The following NOL4 variants were observed in gnomAD, a reference collection of about 807,000 sequenced individuals.
The protein encoded by NOL4 is nucleolar protein 4, also known as cancer/testis antigen 125.
NOL4 carries 17 observed loss-of-function variants against 75.9 expected under a neutral mutation model. That is an observed-to-expected ratio of 0.22 (90% CI 0.15 to 0.34). The LOEUF is 0.34. Among genes scored for constraint, NOL4 ranks in the 10% least tolerant of loss-of-function variants. The pLI, the probability that NOL4 is intolerant of heterozygous loss-of-function variation, is 1.00. For missense variants in NOL4, 614 were observed against 793.5 expected (o/e 0.77, Z 2.72); for synonymous variants, 292 against 289.9 (o/e 1.01, Z -0.07).
At chr18:34,203,715 TCTCACA>T (rs770797202) in intron 1 of NOL4, among the ~76,000 whole-genome samples, 2,586 of 59,348 alleles carry the variant, frequency 0.044, 43 homozygotes, top group East Asian at 0.17. Context: ...TCTCTCTCTC[TCTCACA>T]CACACACACA....
chr18:33,913,421 T>C (rs1385774694), intron 9 of NOL4, among the ~76,000 whole-genome samples: 1 of 152,142 alleles, frequency 6.6e-6, no homozygotes, highest in Non-Finnish European at 1.5e-5. Context: ...GTCATTCCAT[T>C]AGATGTGAAC....
intron 1 of NOL4, among the ~76,000 whole-genome samples, chr18:34,183,223 A>G (rs2034183082): frequency 6.6e-6 from 1 of 151,854 alleles, no homozygotes. Context: ...ATCCAATTTA[A>G]TAAGTAGGCA....
intron 1 of NOL4, among the ~76,000 whole-genome samples, chr18:34,178,128 G>C (rs1318829953): frequency 2.0e-5 from 3 of 151,634 alleles, no homozygotes; most frequent in Admixed American, 2.0e-4. Context: ...CTATTTAGGA[G>C]CACAAGTTTT....
intron 1 of NOL4, among the ~76,000 whole-genome samples, chr18:34,145,979 C>G (rs1459305909): frequency 6.6e-6 from 1 of 152,008 alleles, no homozygotes; most frequent in Non-Finnish European, 1.5e-5. Flanking sequence ...TATTCATCTT[C>G]TTTCTAGCAC....
intron 1 of NOL4, among the ~76,000 whole-genome samples, chr18:34,159,633 C>T (rs1320070299): frequency 6.6e-6 from 1 of 152,144 alleles, no homozygotes; most frequent in African/African-American, 2.4e-5. Flanking sequence ...CGGAGGGGTC[C>T]CTCTGGCTTT....
rs187148809 is a variant in NOL4 at position 34,213,425 on chromosome 18, G to A, written c.264+9565C>T. On this transcript the variant is annotated intron_variant, in intron 1 of 10. Transcript: ENST00000261592. The stretch of plus-strand genomic sequence containing the variant: ...CTACCCCAGCTTCCTGAGTAGCTGG[G>A]ACTACAGGCACACGCCGCCACCCCC... 4.1e-4 allele frequency among the ~76,000 whole-genome samples: 63 copies of A among 152,248 alleles called. No individual in the cohort carries two copies. The East Asian group carries it at 6.4e-3, about 15-fold the overall frequency.
At chr18:34,145,754 A>G (rs1321780635) in intron 1 of NOL4, among the ~76,000 whole-genome samples, 1 of 152,052 alleles carries the variant, frequency 6.6e-6, no homozygotes, top group Non-Finnish European at 1.5e-5. Flanking sequence ...TTAACTTGAA[A>G]TACTTCAAAA....
At chr18:33,930,247 C>T (rs1044005960) in intron 9 of NOL4, among the ~76,000 whole-genome samples, 1 of 151,882 alleles carries the variant, frequency 6.6e-6, no homozygotes, top group Admixed American at 6.6e-5. Flanking sequence ...TATAAAATTT[C>T]TATGTTTATA....
chr18:33,997,668 A>G (rs975977501), intron 6 of NOL4, among the ~76,000 whole-genome samples: 1 of 148,428 alleles, frequency 6.7e-6, no homozygotes, highest in African/African-American at 2.4e-5. Context: ...TTACATAAAT[A>G]TATACACATA....
chr18:34,058,363 T>C (rs558192990), intron 5 of NOL4, among the ~76,000 whole-genome samples: 2 of 152,212 alleles, frequency 1.3e-5, no homozygotes, highest in Admixed American at 6.5e-5. Context: ...CTCGATCTCC[T>C]GACCTCGTGA....
At chr18:34,164,716 T>C (rs1488537896) in intron 1 of NOL4, among the ~76,000 whole-genome samples, 1 of 151,974 alleles carries the variant, frequency 6.6e-6, no homozygotes, top group Non-Finnish European at 1.5e-5. Context: ...AGAAATACCA[T>C]TTGACCCAGC....
intron 9 of NOL4, among the ~76,000 whole-genome samples, chr18:33,912,405 A>G (rs115531558): frequency 0.014 from 2,169 of 152,168 alleles, 51 homozygotes; most frequent in African/African-American, 0.049. Flanking sequence ...TTTCTAATAT[A>G]ATATAGTTAG....
rs145417777 is a variant in NOL4 at position 34,084,224 on chromosome 18, C to T, written c.772+9241G>A. 2.3e-3 allele frequency among the ~76,000 whole-genome samples: 344 copies of T among 152,170 alleles called. 1 individual carries two copies. The highest frequency in any genetic ancestry group is 7.9e-3 in the African/African-American group (329 of 41,524). On this transcript the variant is annotated intron_variant, in intron 5 of 10. Coordinates refer to ENST00000261592, the MANE Select transcript of NOL4 (RefSeq NM_003787.5). Reference sequence around the variant, plus strand: ...GGGTGTGCTGGGCTGGGTGGAATCCCCCTCCTCTGGGCTGCCCTGACTCTC... The same window carrying T: ...GGGTGTGCTGGGCTGGGTGGAATCCTCCTCCTCTGGGCTGCCCTGACTCTC...
chr18:33,966,458 A>G (rs1044997585), intron 6 of NOL4, among the ~76,000 whole-genome samples: 3 of 152,196 alleles, frequency 2.0e-5, no homozygotes, highest in African/African-American at 7.2e-5. Flanking sequence ...GCAATCAGAC[A>G]AAAGAAAGAA....
At chr18:34,178,781 T>C (rs1225659646) in intron 1 of NOL4, among the ~76,000 whole-genome samples, 4 of 151,556 alleles carry the variant, frequency 2.6e-5, no homozygotes, top group Non-Finnish European at 3.0e-5. Flanking sequence ...CAAAAATGGA[T>C]AGAATAACTA....
At chr18:33,860,587 A>T (rs2063067699) in intron 10 of NOL4, among the ~76,000 whole-genome samples, 1 of 152,136 alleles carries the variant, frequency 6.6e-6, no homozygotes, top group Non-Finnish European at 1.5e-5. Context: ...AAACAGGGAC[A>T]ATTTGACTTC....
intron 1 of NOL4, among the ~76,000 whole-genome samples, chr18:34,160,314 T>C (rs80246367): frequency 0.035 from 5,323 of 152,272 alleles, 96 homozygotes; most frequent in Middle Eastern, 0.048. Context: ...TAATGTTTAA[T>C]ATTTTATTGC....
chr18:33,914,524 T>G (rs1251115135), intron 9 of NOL4, among the ~76,000 whole-genome samples: 9 of 151,976 alleles, frequency 5.9e-5, no homozygotes, highest in Non-Finnish European at 1.5e-5. Context: ...TGGCAACATA[T>G]AAACAACAGA....
intron 9 of NOL4, among the ~76,000 whole-genome samples, chr18:33,942,488 T>C (rs2145566919): frequency 6.6e-6 from 1 of 151,866 alleles, no homozygotes; most frequent in East Asian, 1.9e-4. Flanking sequence ...CACAGATGCC[T>C]TAGAAAAAAG....
Sources: gnomAD v4.1 joint callset for allele counts (sites outside exome capture counted in the v4.1 genomes callset) on GRCh38, gnomAD v4.1.1 for gene constraint, MANE v1.5 for transcripts, NCBI Gene and HGNC (gene_info 2026-07-23, HGNC 2026-07-21) for gene names.